The following CCDC7 variants were observed in gnomAD, a reference collection of about 807,000 sequenced individuals.
The protein encoded by CCDC7 is coiled-coil domain containing 7, also known as coiled-coil domain-containing protein 7.
CCDC7 carries 183 observed loss-of-function variants against 196.9 expected under a neutral mutation model. The ratio of observed to expected loss-of-function variants is 0.93; its 90% CI spans 0.82 to 1.05. CCDC7 has a LOEUF of 1.05. Ranked by LOEUF, CCDC7 falls within the 50% of genes least tolerant of loss-of-function variation. The pLI is 0.00. For missense variants in CCDC7, 1,540 were observed against 1,482.2 expected (o/e 1.04, Z -0.64); for synonymous variants, 525 against 484.6 (o/e 1.08, Z -1.10).
At chr10:32,474,723 T>C (rs2038657540) in intron 8 of CCDC7, among the ~76,000 whole-genome samples, 1 of 152,206 alleles carries the variant, frequency 6.6e-6, no homozygotes, top group Non-Finnish European at 1.5e-5. Context: ...AGTTGTCAGT[T>C]CAGGAATATA....
intron 20 of CCDC7, among the ~76,000 whole-genome samples, chr10:32,650,591 G>T (rs191374516): frequency 2.0e-5 from 3 of 152,160 alleles, no homozygotes; most frequent in African/African-American, 7.2e-5. Context: ...TCAACCTTGT[G>T]CAGGGAGGCA....
chr10:32,875,259 A>G (rs564473355), intron 41 of CCDC7, among the ~76,000 whole-genome samples: 35 of 151,850 alleles, frequency 2.3e-4, no homozygotes, highest in African/African-American at 8.2e-4. Context: ...GGGTTTTTAT[A>G]CTTTGGGATT....
At chr10:32,462,211 A>C (rs1176940078) in intron 3 of CCDC7, among the ~76,000 whole-genome samples, 8 of 152,124 alleles carry the variant, frequency 5.3e-5, no homozygotes, top group African/African-American at 1.9e-4. Flanking sequence ...GCTTGTGGCC[A>C]GGAGTTCGAG....
exon 14 of CCDC7, chr10:32,565,562 T>C (rs766214767): frequency 1.2e-6 from 2 of 1,609,024 alleles, no homozygotes; most frequent in Non-Finnish European, 1.7e-6. Context: ...TCCTAGAAAG[T>C]AGCACGTCTG....
At chr10:32,774,819 A>T (rs2079729472) in intron 28 of CCDC7, among the ~76,000 whole-genome samples, 1 of 152,172 alleles carries the variant, frequency 6.6e-6, no homozygotes, top group Non-Finnish European at 1.5e-5. Context: ...ACTTCTAAAT[A>T]ATAAAGTGGT....
At position 32,846,297 on chromosome 10, in the gene CCDC7, ATTAG is replaced by A. The variant is rs563662959; in HGVS notation, c.3605-75_3605-72del. The A allele has an allele frequency of 4.4e-4, 364 of 818,364 alleles. 1 individual carries two copies. In the African/African-American group the frequency reaches 5.1e-3, roughly 12 times the overall value. The allele number at this position is 818,364 out of a possible 1,614,324, so 50.7% of individuals were successfully genotyped here. A position where few individuals can be genotyped will look rare whatever the true frequency, so the allele number is the denominator to read the frequency against. On this transcript the variant is annotated intron_variant, in intron 36 of 41. Coordinates refer to ENST00000639629, the Ensembl canonical transcript of CCDC7. Reference sequence around the variant, plus strand: ...AATTCTTCATGAATATCCTTCTATAATTAGTTAAACACACACGTATACACATGTA... The same window carrying A: ...AATTCTTCATGAATATCCTTCTATAATTAAACACACACGTATACACATGTA...
chr10:32,657,438 T>C (rs1012791783), intron 20 of CCDC7, among the ~76,000 whole-genome samples: 5 of 152,250 alleles, frequency 3.3e-5, no homozygotes, highest in Admixed American at 2.6e-4. Flanking sequence ...TCTTGACTTC[T>C]TTATACCTGC....
chr10:32,452,059 A>G, intron 1 of CCDC7, 138 bp downstream of exon 2: 1 of 1,246,862 alleles, frequency 8.0e-7, no homozygotes, highest in East Asian at 2.8e-5. Context: ...CATGAGGTGA[A>G]ATTAGGAGAA....
At chr10:32,806,157 C>T (rs1592950064) in intron 30 of CCDC7, among the ~76,000 whole-genome samples, 1 of 152,250 alleles carries the variant, frequency 6.6e-6, no homozygotes, top group East Asian at 1.9e-4. Flanking sequence ...ACAGGAAAAA[C>T]ATACAAACCA....
intron 8 of CCDC7, among the ~76,000 whole-genome samples, chr10:32,488,568 T>G (rs1164770171): frequency 6.6e-6 from 1 of 152,168 alleles, no homozygotes; most frequent in Admixed American, 6.5e-5. Context: ...ACCCGTCTTC[T>G]GCGTCGCTCA....
chr10:32,882,128 C>G (rs2137100882), downstream of CCDC7, among the ~76,000 whole-genome samples: 2 of 152,120 alleles, frequency 1.3e-5, no homozygotes. Flanking sequence ...TATTAAAGAC[C>G]ATTGCAATAG....
chr10:32,657,719 T>C (rs2070281563), intron 20 of CCDC7, among the ~76,000 whole-genome samples: 1 of 152,230 alleles, frequency 6.6e-6, no homozygotes, highest in South Asian at 2.1e-4. Flanking sequence ...GTCTTGGTGA[T>C]TAACATTAGC....
intron 28 of CCDC7, among the ~76,000 whole-genome samples, chr10:32,754,283 C>T (rs1327163630): frequency 1.3e-5 from 2 of 151,960 alleles, no homozygotes; most frequent in Non-Finnish European, 2.9e-5. Flanking sequence ...TTCTATATAT[C>T]CCAGTAGTGA....
chr10:32,499,141 A>T (rs567361755), intron 9 of CCDC7: 4 of 151,460 alleles, frequency 2.6e-5, no homozygotes, highest in Non-Finnish European at 5.9e-5. Context: ...AACTCAGAAA[A>T]AATGAAGACA....
rs2052479580 is a variant in CCDC7 at position 32,546,482 on chromosome 10, C to A, written c.1134+2181C>A. On this transcript the variant is annotated intron_variant, in intron 13 of 41. Transcript: ENST00000639629. ...CAGCTAGATGTTAATTTCTTAACAA[C>A]CATCTAGCATTATATCACCCATTTC... 2.0e-5 allele frequency among the ~76,000 whole-genome samples: 3 copies of A among 152,120 alleles called. No individual in the cohort carries two copies. The South Asian group carries it at 6.2e-4, about 32-fold the overall frequency.
At chr10:32,729,926 CTTT>C (rs984948991) in intron 28 of CCDC7, among the ~76,000 whole-genome samples, 1 of 151,850 alleles carries the variant, frequency 6.6e-6, no homozygotes, top group Non-Finnish European at 1.5e-5. Context: ...TGTTTAACTT[CTTT>C]GTTTCTTTGT....
intron 24 of CCDC7, among the ~76,000 whole-genome samples, chr10:32,707,933 G>A (rs2080083505): frequency 6.6e-6 from 1 of 152,090 alleles, no homozygotes; most frequent in African/African-American, 2.4e-5. Flanking sequence ...TCCCCATCAA[G>A]CTACCAATGA....
chr10:32,814,379 T>C, exon 31 of CCDC7: 9 of 1,605,840 alleles, frequency 5.6e-6, no homozygotes, highest in South Asian at 1.1e-5. Context: ...GGGCCTGATA[T>C]AGAACAATTG....
chr10:32,876,404 A>G (rs777588019), downstream of CCDC7: 2 of 1,606,600 alleles, frequency 1.2e-6, no homozygotes, highest in Non-Finnish European at 1.7e-6. Context: ...GAATGAAGGA[A>G]ATTCTGAGCA....
Sources: allele counts gnomAD v4.1 joint callset (sites outside exome capture counted in the v4.1 genomes callset), GRCh38; gene constraint gnomAD v4.1.1; transcripts MANE v1.5; gene names NCBI Gene and HGNC (gene_info 2026-07-23, HGNC 2026-07-21).